Variants in AIM2 observed in about 807,000 individuals in gnomAD.
The protein encoded by AIM2 is absent in melanoma 2.
A neutral mutation model predicts 27.7 loss-of-function variants in AIM2; 30 were observed. That is an observed-to-expected ratio of 1.08 (90% CI 0.81 to 1.47). The LOEUF (loss-of-function observed/expected upper bound fraction) is 1.47, where lower values mean the gene tolerates loss of function less well. AIM2 is among the 40% of genes most tolerant of loss of function. The pLI, the probability that AIM2 is intolerant of heterozygous loss-of-function variation, is 0.00. For synonymous variants in AIM2, 141 were observed against 145.3 expected (o/e 0.97, Z 0.21); for missense variants, 358 against 411.3 (o/e 0.87, Z 1.12).
intron 1 of AIM2, among the ~76,000 whole-genome samples, chr1:159,082,930 A>G (rs855866): frequency 0.62 from 94,229 of 152,126 alleles, 35,266 homozygotes; most frequent in Non-Finnish European, 0.8. Context: ...TCCTAAGGAA[A>G]AAGTGTGTGA....
the AIM2 span, among the ~76,000 whole-genome samples, chr1:159,056,291 G>A: frequency 1.3e-5 from 2 of 152,102 alleles, no homozygotes; most frequent in Non-Finnish European, 2.9e-5. Context: ...TGGAAATGGC[G>A]CAAACTTCTG....
At chr1:159,121,963 A>G (rs1647548241) in intron 1 of AIM2, among the ~76,000 whole-genome samples, 1 of 152,200 alleles carries the variant, frequency 6.6e-6, no homozygotes, top group South Asian at 2.1e-4. Context: ...TTAATAAAAT[A>G]ATCATTACTC....
intron 1 of AIM2, among the ~76,000 whole-genome samples, chr1:159,119,440 T>A (rs1430240840): frequency 6.6e-6 from 1 of 152,182 alleles, no homozygotes; most frequent in Non-Finnish European, 1.5e-5. Flanking sequence ...TTTGTTAATA[T>A]GATCAATCAC....
intron 3 of AIM2, among the ~76,000 whole-genome samples, chr1:159,067,260 A>G (rs996764462): frequency 1.5e-4 from 23 of 152,224 alleles, no homozygotes; most frequent in Non-Finnish European, 1.0e-4. Context: ...AGACGATACA[A>G]TTATAGATAA....
At chr1:159,120,831 T>C (rs781085695) in intron 1 of AIM2, among the ~76,000 whole-genome samples, 6 of 152,062 alleles carry the variant, frequency 3.9e-5, no homozygotes, top group Non-Finnish European at 8.8e-5. Flanking sequence ...TGTGTTCCAG[T>C]CAAACAGAAG....
chr1:159,146,464 G>A (rs1648209594), intron 1 of AIM2, among the ~76,000 whole-genome samples: 1 of 151,940 alleles, frequency 6.6e-6, no homozygotes, highest in Non-Finnish European at 1.5e-5. Context: ...CTTCCTTGGG[G>A]TATATAACCC....
chr1:159,093,762 A>T (rs1223327372), intron 1 of AIM2, among the ~76,000 whole-genome samples: 1 of 151,506 alleles, frequency 6.6e-6, no homozygotes, highest in Non-Finnish European at 1.5e-5. Flanking sequence ...AGAGAGACGG[A>T]GTCTTGTTCT....
upstream of AIM2, among the ~76,000 whole-genome samples, chr1:159,142,393 G>A (rs550517424): frequency 3.3e-5 from 5 of 152,282 alleles, no homozygotes; most frequent in East Asian, 1.9e-4. Flanking sequence ...ATGTGTGAAC[G>A]TATATGTGTG....
rs781190100 is a variant in AIM2, at chr1:159,068,599, C to T, written c.365G>A (p.Arg122His). The change falls in exon 3 of 6, where the codon CGT (arginine) becomes CAT (histidine). Residue 122 changes from arginine to histidine, a missense_variant. By Grantham distance (29) the Arg-to-His change is conservative. Transcript: ENST00000368130. Reference protein sequence around the residue: ...AAIRNDVAKQRAAPKVSPHVK... With the variant: ...AAIRNDVAKQHAAPKVSPHVK... ...ATGAGGAGAGACTTTTGGTGCAGCA[C>T]GTTGCTTTGCGACATCATTTCTGAT... 21 of 1,613,616 alleles carry T rather than the reference C, an allele frequency of 1.3e-5. No individual in the cohort carries two copies. Among genetic ancestry groups the T allele is most frequent in the Admixed American group, 3.3e-5 (2 of 59,898 alleles).
At chr1:159,116,311 G>A (rs539837811) in intron 1 of AIM2, among the ~76,000 whole-genome samples, 19 of 152,296 alleles carry the variant, frequency 1.2e-4, no homozygotes, top group African/African-American at 4.3e-4. Context: ...AATACCATTT[G>A]ACCCAGCAAT....
chr1:159,132,137 C>G (rs1293977286), intron 1 of AIM2: 1 of 144,950 alleles, frequency 6.9e-6, no homozygotes, highest in Non-Finnish European at 1.5e-5. Flanking sequence ...CAACTGAAGT[C>G]AGGAGTTCAA....
intron 1 of AIM2, among the ~76,000 whole-genome samples, chr1:159,119,894 A>G (rs1279827192): frequency 1.3e-5 from 2 of 151,940 alleles, no homozygotes; most frequent in Non-Finnish European, 2.9e-5. Context: ...ATACAGAGAG[A>G]CTTATAGATT....
chr1:159,084,682 A>C (rs1656859668), intron 1 of AIM2, among the ~76,000 whole-genome samples: 1 of 151,640 alleles, frequency 6.6e-6, no homozygotes, highest in Non-Finnish European at 1.5e-5. Context: ...TTGAGGCAGG[A>C]GGATCACTTG....
chr1:159,074,656 C>T (rs1252603510), intron 1 of AIM2, among the ~76,000 whole-genome samples: 2 of 151,834 alleles, frequency 1.3e-5, no homozygotes, highest in Non-Finnish European at 2.9e-5. Context: ...GATTAATATA[C>T]AGAAATGCAT....
chr1:159,084,106 AAGTT>A (rs1656842784), intron 1 of AIM2, among the ~76,000 whole-genome samples: 1 of 152,214 alleles, frequency 6.6e-6, no homozygotes. Flanking sequence ...GAGTTTAAAG[AAGTT>A]AAGTCATTTG....
upstream of AIM2, among the ~76,000 whole-genome samples, chr1:159,079,207 G>A (rs536705911): frequency 1.3e-5 from 2 of 151,936 alleles, no homozygotes; most frequent in Non-Finnish European, 2.9e-5. Context: ...GAAACAAAAA[G>A]ACAGTGCTAA....
intron 1 of AIM2, among the ~76,000 whole-genome samples, chr1:159,146,153 G>C (rs1256529957): frequency 1.3e-5 from 2 of 151,854 alleles, no homozygotes; most frequent in African/African-American, 4.8e-5. Context: ...CTAAGGACAT[G>C]AAGTATCTCT....
intron 1 of AIM2, among the ~76,000 whole-genome samples, chr1:159,106,742 A>C (rs1657456640): frequency 6.6e-6 from 1 of 152,260 alleles, no homozygotes. Flanking sequence ...AAGTGATATT[A>C]GTAAAAATGT....
At chr1:159,087,180 C>A (rs962595405) in intron 1 of AIM2, among the ~76,000 whole-genome samples, 2 of 152,202 alleles carry the variant, frequency 1.3e-5, no homozygotes, top group Non-Finnish European at 2.9e-5. Context: ...AACTCTCCCA[C>A]TGACCTAGGC....
Sources: allele counts gnomAD v4.1 joint callset (sites outside exome capture counted in the v4.1 genomes callset), GRCh38; gene constraint gnomAD v4.1.1; transcripts MANE v1.5; gene names NCBI Gene and HGNC (gene_info 2026-07-23, HGNC 2026-07-21).